The following PTPRD variants were observed in gnomAD, a reference collection of about 807,000 sequenced individuals.
PTPRD encodes the protein protein tyrosine phosphatase receptor type D.
In PTPRD, 34 loss-of-function variants were observed where a neutral mutation model predicts 214.5. The ratio of observed to expected loss-of-function variants is 0.16; its 90% CI spans 0.12 to 0.21. The LOEUF (loss-of-function observed/expected upper bound fraction) is 0.21, where lower values mean the gene tolerates loss of function less well. Among genes scored for constraint, PTPRD ranks in the 10% least tolerant of loss-of-function variants. PTPRD has a pLI of 1.00. For missense variants in PTPRD, 2,545 were observed against 2,398.7 expected, an observed-to-expected ratio of 1.06 and a Z score of -1.27; for synonymous variants, 1,128 against 845.7, an observed-to-expected ratio of 1.33 and a Z score of -5.79.
intron 10 of PTPRD, among the ~76,000 whole-genome samples, chr9:9,106,909 T>G (rs1373815552): frequency 6.6e-6 from 1 of 152,180 alleles, no homozygotes; most frequent in Non-Finnish European, 1.5e-5. Flanking sequence ...TTGTGATAAC[T>G]TAATCTACCT....
intron 3 of PTPRD, among the ~76,000 whole-genome samples, chr9:10,270,145 A>G (rs1409232283): frequency 6.6e-6 from 1 of 152,166 alleles, no homozygotes. Flanking sequence ...CAACAAGTAT[A>G]CATAAACTTA....
intron 14 of PTPRD, among the ~76,000 whole-genome samples, chr9:8,601,771 T>G (rs1283937384): frequency 6.6e-6 from 1 of 152,154 alleles, no homozygotes; most frequent in Non-Finnish European, 1.5e-5. Context: ...AGCATAGAAT[T>G]CAAATGATCA....
intron 35 of PTPRD, among the ~76,000 whole-genome samples, chr9:8,418,224 CT>C (rs375048364): frequency 1.1e-4 from 16 of 147,812 alleles, no homozygotes; most frequent in Non-Finnish European, 1.2e-4. Flanking sequence ...TTATCCTTTT[CT>C]TTTTTTTTTG....
intron 4 of PTPRD, among the ~76,000 whole-genome samples, chr9:9,980,618 C>CAAAAA (rs1202080056): frequency 2.2e-4 from 5 of 23,250 alleles, no homozygotes; most frequent in Admixed American, 5.8e-4. Context: ...CAAAAAAAAA[C>CAAAAA]AAAAAAAAAA....
chr9:10,048,190 T>C (rs565599162), intron 3 of PTPRD, among the ~76,000 whole-genome samples: 2 of 152,182 alleles, frequency 1.3e-5, no homozygotes, highest in Non-Finnish European at 2.9e-5. Context: ...ATCTTCTGCA[T>C]TGCTTTATTG....
At chr9:8,892,284 G>A (rs1056640145) in intron 11 of PTPRD, among the ~76,000 whole-genome samples, 3 of 152,082 alleles carry the variant, frequency 2.0e-5, no homozygotes, top group African/African-American at 4.8e-5. Flanking sequence ...CATTTGTGCC[G>A]ATGGATATGG....
intron 31 of PTPRD, among the ~76,000 whole-genome samples, chr9:8,469,417 T>C (rs750249792): frequency 3.9e-5 from 6 of 152,040 alleles, no homozygotes; most frequent in Non-Finnish European, 8.8e-5. Flanking sequence ...AATTCATAGA[T>C]TCTACAAGTT....
intron 6 of PTPRD, among the ~76,000 whole-genome samples, chr9:9,741,218 C>G (rs943939618): frequency 6.6e-6 from 1 of 152,002 alleles, no homozygotes; most frequent in Non-Finnish European, 1.5e-5. Context: ...ATCTGTGGCT[C>G]AGGAGAATTT....
In PTPRD at chr9:9,766,858, T is replaced by C. The variant is rs947912362; in HGVS notation, c.-367-7A>G. 1 of 152,448 alleles carries C rather than the reference T, an allele frequency of 6.6e-6. No individual in the cohort carries two copies. Among genetic ancestry groups the C allele is most frequent in the African/African-American group, 2.4e-5 (1 of 41,424 alleles). The allele number at this position is 152,448 out of a possible 1,614,324, so 9.4% of individuals were successfully genotyped here. A position where few individuals can be genotyped will look rare whatever the true frequency, so the allele number is the denominator to read the frequency against. ...GTGGTCTCAGGACAGAAACCTAATA[T>C]AAAAGAAAGAATATTTCTATTAATA... On this transcript the variant is annotated splice_polypyrimidine_tract_variant and splice_region_variant and intron_variant, in intron 5 of 45. Coordinates refer to ENST00000381196, the MANE Select transcript of PTPRD (RefSeq NM_002839.4).
At chr9:8,799,748 G>A (rs1031151873) in intron 11 of PTPRD, among the ~76,000 whole-genome samples, 3 of 152,008 alleles carry the variant, frequency 2.0e-5, no homozygotes, top group African/African-American at 7.2e-5. Context: ...GATACATTCT[G>A]TAATGAATAT....
intron 2 of PTPRD, among the ~76,000 whole-genome samples, chr9:10,556,071 C>T (rs986042961): frequency 1.3e-5 from 2 of 152,064 alleles, no homozygotes; most frequent in African/African-American, 4.8e-5. Context: ...CCTTTTGCAA[C>T]TGTTTTTTAT....
chr9:8,704,048 A>G (rs965963510), intron 12 of PTPRD, among the ~76,000 whole-genome samples: 8 of 152,178 alleles, frequency 5.3e-5, no homozygotes, highest in Admixed American at 5.2e-4. Context: ...CCTCTTGTTT[A>G]TTCAACCTGC....
At chr9:9,746,326 G>C (rs1358135096) in intron 6 of PTPRD, among the ~76,000 whole-genome samples, 1 of 152,082 alleles carries the variant, frequency 6.6e-6, no homozygotes, top group Non-Finnish European at 1.5e-5. Flanking sequence ...AGTTACTTGT[G>C]CCCAATAAAT....
chr9:10,161,115 A>T (rs1343890430), intron 3 of PTPRD, among the ~76,000 whole-genome samples: 1 of 151,950 alleles, frequency 6.6e-6, no homozygotes, highest in African/African-American at 2.4e-5. Context: ...AACTTGAAGA[A>T]TATTGTTAAA....
intron 32 of PTPRD, among the ~76,000 whole-genome samples, chr9:8,461,030 A>C (rs2096384574): frequency 6.6e-6 from 1 of 152,112 alleles, no homozygotes; most frequent in South Asian, 2.1e-4. Context: ...ACATATTTAC[A>C]ATGCAAAATA....
At chr9:8,871,562 G>C (rs916966207) in intron 11 of PTPRD, among the ~76,000 whole-genome samples, 1 of 152,146 alleles carries the variant, frequency 6.6e-6, no homozygotes, top group Non-Finnish European at 1.5e-5. Context: ...CCAAGTTCTT[G>C]ATCTTATCCA....
intron 11 of PTPRD, among the ~76,000 whole-genome samples, chr9:8,997,771 C>T (rs1162185680): frequency 1.3e-5 from 2 of 151,930 alleles, no homozygotes; most frequent in Admixed American, 1.3e-4. Context: ...GCCTCTTGTG[C>T]CAAAAAGCTA....
At chr9:9,319,131 A>G (rs984093789) in intron 9 of PTPRD, among the ~76,000 whole-genome samples, 2 of 152,218 alleles carry the variant, frequency 1.3e-5, no homozygotes, top group African/African-American at 4.8e-5. Context: ...AAATCAATAA[A>G]AATGTTTCAC....
intron 9 of PTPRD, among the ~76,000 whole-genome samples, chr9:9,235,028 G>C (rs900851291): frequency 1.3e-5 from 2 of 152,112 alleles, no homozygotes; most frequent in East Asian, 3.9e-4. Flanking sequence ...AAATACCTGA[G>C]ACTGGGTAAT....
Sources: gnomAD v4.1 joint callset for allele counts (sites outside exome capture counted in the v4.1 genomes callset) on GRCh38, gnomAD v4.1.1 for gene constraint, MANE v1.5 for transcripts, NCBI Gene and HGNC (gene_info 2026-07-23, HGNC 2026-07-21) for gene names.